ZBTB20: variants seen among roughly 807,000 people sequenced by gnomAD.
ZBTB20 encodes zinc finger and BTB domain containing 20, also known as zinc finger and BTB domain-containing protein 20.
Under a neutral mutation model 56.9 loss-of-function variants are expected in ZBTB20, and 9 were observed. That is an observed-to-expected ratio of 0.16 (90% CI 0.10 to 0.28). ZBTB20 has a LOEUF of 0.28. ZBTB20 is among the 10% of genes least tolerant of loss of function. The pLI is 1.00. For synonymous variants in ZBTB20, 417 were observed against 420.7 expected, an observed-to-expected ratio of 0.99 and a Z score of 0.11; for missense variants, 655 against 1,003.0, an observed-to-expected ratio of 0.65 and a Z score of 4.69.
rs1013564497 is a variant in ZBTB20, at chr3:114,948,231, A to T, written c.-456+26135T>A. 1.3e-4 allele frequency among the ~76,000 whole-genome samples: 18 copies of T among 141,564 alleles called. 2 individuals are homozygous for T. The highest frequency in any genetic ancestry group is 2.6e-4 in the African/African-American group (9 of 34,164). 92.9% of individuals were successfully genotyped at this position (141,564 alleles called of 152,430 possible). A position where few individuals can be genotyped will look rare whatever the true frequency, so the allele number is the denominator to read the frequency against. ...TGTATGTGAATATTCCTTATGATTTAAAAAAAAAACAAAACAGACAACACA... is the reference window on the plus strand; with the variant it reads ...TGTATGTGAATATTCCTTATGATTTTAAAAAAAAACAAAACAGACAACACA... On this transcript the variant is annotated intron_variant, in intron 3 of 11. Coordinates refer to ENST00000675478, the MANE Select transcript of ZBTB20 (RefSeq NM_001348800.3).
chr3:114,717,221 A>C (rs2064547721), intron 5 of ZBTB20, among the ~76,000 whole-genome samples: 1 of 152,152 alleles, frequency 6.6e-6, no homozygotes, highest in Admixed American at 6.6e-5. Flanking sequence ...CTAAATAATA[A>C]AATTGTGAAT....
chr3:114,750,660 C>A (rs529170098), intron 5 of ZBTB20, among the ~76,000 whole-genome samples: 1 of 152,156 alleles, frequency 6.6e-6, no homozygotes, highest in South Asian at 2.1e-4. Context: ...TTGTGTTTCA[C>A]GTCCCACTGT....
At chr3:114,371,079 T>A (rs551963307) in intron 10 of ZBTB20, among the ~76,000 whole-genome samples, 1 of 152,282 alleles carries the variant, frequency 6.6e-6, no homozygotes, top group Admixed American at 6.5e-5. Context: ...GCTGCCAAAT[T>A]AGATCTTCTC....
chr3:115,134,660 C>T (rs1054068900), intron 1 of ZBTB20, among the ~76,000 whole-genome samples: 3 of 152,126 alleles, frequency 2.0e-5, no homozygotes, highest in Non-Finnish European at 4.4e-5. Flanking sequence ...TTTGAATTTC[C>T]TTAAGTGCTC....
chr3:114,772,440 T>A (rs2069284036), intron 5 of ZBTB20, among the ~76,000 whole-genome samples: 1 of 152,176 alleles, frequency 6.6e-6, no homozygotes, highest in Non-Finnish European at 1.5e-5. Flanking sequence ...TCTATGGTTC[T>A]AGTATGCTTT....
chr3:114,703,196 C>A (rs891273448), intron 5 of ZBTB20, among the ~76,000 whole-genome samples: 1 of 152,172 alleles, frequency 6.6e-6, no homozygotes, highest in African/African-American at 2.4e-5. Context: ...TTTATTGCTT[C>A]GCCCTTCCCT....
At chr3:114,829,135 A>C (rs1349910624) in intron 4 of ZBTB20, among the ~76,000 whole-genome samples, 8 of 151,744 alleles carry the variant, frequency 5.3e-5, no homozygotes, top group African/African-American at 1.9e-4. Context: ...TAAGTATCCT[A>C]TCTGATGTAT....
At chr3:114,984,278 T>C (rs938520793) in intron 2 of ZBTB20, among the ~76,000 whole-genome samples, 34 of 152,074 alleles carry the variant, frequency 2.2e-4, no homozygotes, top group African/African-American at 7.2e-4. Context: ...TATTATACTT[T>C]AAGTTTTAGG....
chr3:114,452,511 T>G (rs2091684548), intron 7 of ZBTB20, among the ~76,000 whole-genome samples: 1 of 152,136 alleles, frequency 6.6e-6, no homozygotes, highest in African/African-American at 2.4e-5. Flanking sequence ...AGGCAACACA[T>G]ACATAGTAAG....
chr3:115,123,793 A>G (rs1196957963), intron 1 of ZBTB20, among the ~76,000 whole-genome samples: 2 of 152,172 alleles, frequency 1.3e-5, no homozygotes, highest in Non-Finnish European at 2.9e-5. Flanking sequence ...CTAATGTTTG[A>G]CTTCATTCTC....
intron 4 of ZBTB20, among the ~76,000 whole-genome samples, chr3:114,814,038 C>A (rs150702323): frequency 5.5e-4 from 84 of 151,736 alleles, no homozygotes; most frequent in African/African-American, 2.0e-3. Flanking sequence ...ATACAGTGAT[C>A]CCTATACATA....
At chr3:114,348,356 G>A (rs1191921983) in intron 11 of ZBTB20, among the ~76,000 whole-genome samples, 1 of 152,130 alleles carries the variant, frequency 6.6e-6, no homozygotes, top group East Asian at 1.9e-4. Flanking sequence ...TAAACTATGT[G>A]ACAGCACTCT....
chr3:114,535,204 T>G (rs1023441563), intron 6 of ZBTB20, among the ~76,000 whole-genome samples: 13 of 152,124 alleles, frequency 8.5e-5, no homozygotes, highest in Non-Finnish European at 1.6e-4. Context: ...ATCTAGGAGC[T>G]GATTTTTTGA....
At chr3:114,501,221 CTGTT>C (rs2043917228) in intron 6 of ZBTB20, among the ~76,000 whole-genome samples, 1 of 152,260 alleles carries the variant, frequency 6.6e-6, no homozygotes, top group South Asian at 2.1e-4. Context: ...AAACACAACT[CTGTT>C]TGGTGATGAA....
chr3:114,937,658 T>C (rs2076586414), intron 3 of ZBTB20, among the ~76,000 whole-genome samples: 1 of 152,078 alleles, frequency 6.6e-6, no homozygotes, highest in Admixed American at 6.5e-5. Context: ...CCTGACCTCG[T>C]GATCAGCCTG....
chr3:114,628,935 T>C (rs2058786438), intron 6 of ZBTB20, among the ~76,000 whole-genome samples: 1 of 152,140 alleles, frequency 6.6e-6, no homozygotes, highest in Admixed American at 6.6e-5. Flanking sequence ...AAAAAAAAAG[T>C]AATAGGTTAG....
At chr3:114,763,668 GAATA>G (rs1232434617) in intron 5 of ZBTB20, among the ~76,000 whole-genome samples, 1 of 151,812 alleles carries the variant, frequency 6.6e-6, no homozygotes, top group Non-Finnish European at 1.5e-5. Context: ...CAGTATATTG[GAATA>G]AATAGAGATT....
intron 5 of ZBTB20, among the ~76,000 whole-genome samples, chr3:114,704,947 C>A (rs370955971): frequency 6.6e-6 from 1 of 152,070 alleles, no homozygotes; most frequent in African/African-American, 2.4e-5. Context: ...TGTAAACAAA[C>A]AACATTCACT....
chr3:114,599,996 C>T (rs970323249), intron 6 of ZBTB20, among the ~76,000 whole-genome samples: 1 of 151,950 alleles, frequency 6.6e-6, no homozygotes, highest in African/African-American at 2.4e-5. Flanking sequence ...TAAAATTTAT[C>T]TAAGACTTCA....
Sources: allele counts gnomAD v4.1 joint callset (sites outside exome capture counted in the v4.1 genomes callset), GRCh38; gene constraint gnomAD v4.1.1; transcripts MANE v1.5; gene names NCBI Gene and HGNC (gene_info 2026-07-23, HGNC 2026-07-21).